Variants in LRRC4C observed in about 807,000 individuals in gnomAD.
The protein encoded by LRRC4C is leucine-rich repeat-containing protein 4C.
LRRC4C carries 5 observed loss-of-function variants against 33.6 expected under a neutral mutation model. The observed-to-expected ratio is 0.15, with a 90% confidence interval of 0.08 to 0.31. LRRC4C has a LOEUF of 0.31. Ranked by LOEUF, LRRC4C falls within the 10% of genes least tolerant of loss-of-function variation. The probability of loss-of-function intolerance (pLI) is 1.00; values close to 1 mark genes in which losing one functional copy is unlikely to be tolerated. For missense variants in LRRC4C, 560 were observed against 796.7 expected (o/e 0.70, Z 3.58); for synonymous variants, 329 against 302.0 (o/e 1.09, Z -0.93).
intron 2 of LRRC4C, among the ~76,000 whole-genome samples, chr11:40,823,571 T>C (rs1008828610): frequency 1.3e-5 from 2 of 151,780 alleles, no homozygotes; most frequent in African/African-American, 4.8e-5. Flanking sequence ...AGAAGATATA[T>C]GAATAGCTAA....
At chr11:40,513,409 A>G (rs1031793662) in intron 3 of LRRC4C, among the ~76,000 whole-genome samples, 1 of 152,166 alleles carries the variant, frequency 6.6e-6, no homozygotes, top group Non-Finnish European at 1.5e-5. Flanking sequence ...AAGCTACATT[A>G]GACTAGGGAA....
intron 1 of LRRC4C, among the ~76,000 whole-genome samples, chr11:40,969,823 G>A (rs951863697): frequency 6.6e-6 from 1 of 152,116 alleles, no homozygotes; most frequent in Non-Finnish European, 1.5e-5. Flanking sequence ...CAGTGACCTG[G>A]AATTGAACCC....
At chr11:40,769,161 T>G (rs1184842428) in intron 2 of LRRC4C, among the ~76,000 whole-genome samples, 1 of 148,230 alleles carries the variant, frequency 6.7e-6, no homozygotes, top group Non-Finnish European at 1.5e-5. Context: ...ACATACAAAG[T>G]GAGTAAAACT....
chr11:41,077,219 A>T (rs1939219626), intron 1 of LRRC4C, among the ~76,000 whole-genome samples: 1 of 152,076 alleles, frequency 6.6e-6, no homozygotes, highest in Non-Finnish European at 1.5e-5. Context: ...GGTCTTGAGG[A>T]TGGTGGCCTT....
chr11:40,315,240 AT>A (rs530062691), intron 4 of LRRC4C, among the ~76,000 whole-genome samples: 94 of 151,920 alleles, frequency 6.2e-4, no homozygotes, highest in African/African-American at 2.1e-3. Flanking sequence ...AAAACCCAAT[AT>A]GGATTATAAA....
intron 2 of LRRC4C, among the ~76,000 whole-genome samples, chr11:40,733,452 A>G (rs1947708898): frequency 6.6e-6 from 1 of 152,134 alleles, no homozygotes; most frequent in Non-Finnish European, 1.5e-5. Flanking sequence ...CATATTTGTT[A>G]AATCTGTCAA....
chr11:40,432,998 A>G (rs1359542149), intron 3 of LRRC4C, among the ~76,000 whole-genome samples: 1 of 152,186 alleles, frequency 6.6e-6, no homozygotes, highest in East Asian at 1.9e-4. Flanking sequence ...CTTGTAGAAA[A>G]TTAAGGAAAG....
chr11:40,943,677 T>C (rs1158128413), intron 1 of LRRC4C, among the ~76,000 whole-genome samples: 2 of 152,146 alleles, frequency 1.3e-5, no homozygotes, highest in East Asian at 3.9e-4. Context: ...GGGTAAAAAA[T>C]GATGAAGGCA....
chr11:40,430,609 A>T (rs1053197954), intron 3 of LRRC4C, among the ~76,000 whole-genome samples: 2 of 152,116 alleles, frequency 1.3e-5, no homozygotes, highest in East Asian at 3.9e-4. Context: ...AGAGACTTTG[A>T]CTGTGGCTGG....
intron 3 of LRRC4C, among the ~76,000 whole-genome samples, chr11:40,463,335 T>C (rs545370687): frequency 6.6e-6 from 1 of 150,942 alleles, no homozygotes; most frequent in African/African-American, 2.4e-5. Context: ...TGTGTGTGTG[T>C]GTGTGTGTGG....
chr11:40,967,833 T>G (rs1055795934), intron 1 of LRRC4C, among the ~76,000 whole-genome samples: 3 of 151,580 alleles, frequency 2.0e-5, no homozygotes, highest in Non-Finnish European at 4.4e-5. Context: ...ATTTTAATAA[T>G]ATATGATAAT....
intron 6 of LRRC4C, among the ~76,000 whole-genome samples, chr11:40,126,164 G>GAAAA (rs112443352): frequency 1.5e-5 from 2 of 137,080 alleles, no homozygotes; most frequent in Non-Finnish European, 1.6e-5. Flanking sequence ...TGAGATTTAC[G>GAAAA]AAAAAAAAAA....
chr11:40,877,578 C>T (rs940959147), intron 2 of LRRC4C, among the ~76,000 whole-genome samples: 1 of 152,172 alleles, frequency 6.6e-6, no homozygotes, highest in African/African-American at 2.4e-5. Flanking sequence ...ACCTTTGGAA[C>T]AGCAGCCTCT....
chr11:40,441,929 G>A (rs1385010178), intron 3 of LRRC4C, among the ~76,000 whole-genome samples: 1 of 152,060 alleles, frequency 6.6e-6, no homozygotes, highest in South Asian at 2.1e-4. Flanking sequence ...TTGGGAGGCC[G>A]AGGCGGGTGG....
intron 1 of LRRC4C, among the ~76,000 whole-genome samples, chr11:41,091,328 T>C (rs1433254418): frequency 1.3e-5 from 2 of 152,030 alleles, no homozygotes; most frequent in Non-Finnish European, 2.9e-5. Flanking sequence ...AATGACCATA[T>C]GCCATTAAAA....
chr11:40,895,072 A>T (rs1955879175), intron 2 of LRRC4C, among the ~76,000 whole-genome samples: 1 of 151,976 alleles, frequency 6.6e-6, no homozygotes, highest in East Asian at 1.9e-4. Flanking sequence ...TTTATTGGTC[A>T]CTCTTGTTAC....
Position 41,278,231 on chromosome 11 carries a change from G to A in LRRC4C, c.-496+181200C>T, listed in dbSNP as rs574149725. Among the ~76,000 whole-genome samples the A allele has an allele frequency of 2.0e-5, 3 of 152,226 alleles. No individual in the cohort carries two copies. The East Asian group carries it at 5.8e-4, about 29-fold the overall frequency. ...TATAATTATGTGATATAATGCATTTGTCAATTAGTTAGATTTAACCATTCC... is the reference window on the plus strand; with the variant it reads ...TATAATTATGTGATATAATGCATTTATCAATTAGTTAGATTTAACCATTCC... On this transcript the variant is annotated intron_variant, in intron 1 of 6. Transcript: ENST00000528697.
At chr11:40,958,716 A>G (rs146398058) in intron 1 of LRRC4C, among the ~76,000 whole-genome samples, 52 of 151,900 alleles carry the variant, frequency 3.4e-4, no homozygotes, top group Non-Finnish European at 6.9e-4. Context: ...CTCTAAAAGC[A>G]TTTAGTCTAA....
chr11:40,363,741 A>G (rs1347661114), intron 3 of LRRC4C, among the ~76,000 whole-genome samples: 1 of 152,132 alleles, frequency 6.6e-6, no homozygotes, highest in Non-Finnish European at 1.5e-5. Flanking sequence ...ATGCTCTCAA[A>G]GAACACTTGC....
Sources: gnomAD v4.1 joint callset for allele counts (sites outside exome capture counted in the v4.1 genomes callset) on GRCh38, gnomAD v4.1.1 for gene constraint, MANE v1.5 for transcripts, NCBI Gene and HGNC (gene_info 2026-07-23, HGNC 2026-07-21) for gene names.